ARID2: variants seen among roughly 807,000 people sequenced by gnomAD.
ARID2 encodes AT-rich interaction domain 2.
Under a neutral mutation model 184.6 loss-of-function variants are expected in ARID2, and 32 were observed. That is an observed-to-expected ratio of 0.17 (90% CI 0.13 to 0.23). ARID2 has a LOEUF of 0.23. Ranked by LOEUF, ARID2 falls within the 10% of genes least tolerant of loss-of-function variation. The pLI, the probability that ARID2 is intolerant of heterozygous loss-of-function variation, is 1.00. For missense variants in ARID2, 1,696 were observed against 2,197.6 expected, an observed-to-expected ratio of 0.77 and a Z score of 4.56; for synonymous variants, 836 against 772.6, an observed-to-expected ratio of 1.08 and a Z score of -1.36.
chr12:45,822,392 T>G (rs1302892125), intron 6 of ARID2, among the ~76,000 whole-genome samples: 1 of 152,042 alleles, frequency 6.6e-6, no homozygotes, highest in Non-Finnish European at 1.5e-5. Context: ...AAGAATTAGC[T>G]GGGCGTGGTT....
chr12:45,869,659 G>A (rs955773850), intron 16 of ARID2, among the ~76,000 whole-genome samples: 3 of 151,966 alleles, frequency 2.0e-5, no homozygotes, highest in Admixed American at 1.3e-4. Flanking sequence ...GAGGCAGATG[G>A]ATCACTTGAG....
chr12:45,731,983 T>C (rs545033022), intron 3 of ARID2, among the ~76,000 whole-genome samples: 2 of 151,978 alleles, frequency 1.3e-5, no homozygotes, highest in South Asian at 2.1e-4. Context: ...ATTCTCCCTC[T>C]TCTTCTTTGA....
In ARID2 at chr12:45,905,952, CTTT is replaced by C; in HGVS notation, c.*883_*885del. The C allele has an allele frequency of 6.7e-6, 1 of 149,354 alleles. No individual in the cohort carries two copies. Among genetic ancestry groups the C allele is most frequent in the Non-Finnish European group, 1.3e-5 (1 of 76,918 alleles). 9.3% of individuals were successfully genotyped at this position (149,354 alleles called of 1,614,324 possible). A position where few individuals can be genotyped will look rare whatever the true frequency, so the allele number is the denominator to read the frequency against. On this transcript the variant is annotated 3_prime_UTR_variant, in exon 21 of 21. Transcript: ENST00000334344. ...TTTTTTCTTTTTTCTTTTTTTTTTT[CTTT>C]TTTTTTTTGTATTATACACCTTGTA...
At chr12:45,796,059 CT>C (rs972231077) in intron 3 of ARID2, among the ~76,000 whole-genome samples, 1 of 151,954 alleles carries the variant, frequency 6.6e-6, no homozygotes, top group African/African-American at 2.4e-5. Flanking sequence ...ATTTAGATTT[CT>C]TTTTTTAAAC....
intron 15 of ARID2, among the ~76,000 whole-genome samples, chr12:45,853,832 G>C (rs903473894): frequency 5.3e-5 from 8 of 152,216 alleles, no homozygotes. Flanking sequence ...GCCAAATCTA[G>C]GTGTGGGCAA....
At chr12:45,839,857 G>A (rs943433390) in intron 11 of ARID2, 8 of 179,600 alleles carry the variant, frequency 4.5e-5, no homozygotes, top group Non-Finnish European at 8.3e-5. Context: ...ATTACCTTAT[G>A]ATTTTCTCAG....
At chr12:45,893,100 T>A (rs900479290) in intron 18 of ARID2, among the ~76,000 whole-genome samples, 1 of 152,236 alleles carries the variant, frequency 6.6e-6, no homozygotes, top group Non-Finnish European at 1.5e-5. Context: ...ATGAGAAGGC[T>A]ATAACTTCGA....
chr12:45,835,726 C>G (rs1391750118), intron 6 of ARID2, among the ~76,000 whole-genome samples: 3 of 151,934 alleles, frequency 2.0e-5, no homozygotes, highest in African/African-American at 7.3e-5. Flanking sequence ...ATGGTGAAAC[C>G]CCATCTCTAC....
chr12:45,852,891 C>A lies in ARID2; in HGVS notation c.4768C>A (p.Pro1590Thr), dbSNP rs1367200406. The change falls in exon 15 of 21, where the codon CCG becomes ACG. Residue 1590 changes from proline to threonine, a missense_variant. Pro to Thr is a conservative substitution (Grantham distance 38). This residue lies in a region of ARID2 where 111 missense variants were observed against 154.0 expected (regional missense o/e 0.72). Transcript: ENST00000334344. ...ACCAACATATGTACAGAATGTGGTC[C>A]CGCAGGTAAGTTATTCCATGATCAC... ...HPPTYVQNVV[P>T]QNTPMPPSPA... 1.3e-6 allele frequency: 2 copies of A among 1,568,258 alleles called. No homozygotes were observed. Among genetic ancestry groups the A allele is most frequent in the African/African-American group, 2.7e-5 (2 of 73,504 alleles).
intron 3 of ARID2, among the ~76,000 whole-genome samples, chr12:45,735,332 A>T (rs962036797): frequency 1.3e-5 from 2 of 152,306 alleles, no homozygotes; most frequent in African/African-American, 2.4e-5. Context: ...TCAAGGAAGG[A>T]AAATAAAAGT....
At chr12:45,735,420 T>C (rs1330580193) in intron 3 of ARID2, among the ~76,000 whole-genome samples, 1 of 73,898 alleles carries the variant, frequency 1.4e-5, no homozygotes, top group Non-Finnish European at 2.9e-5. Flanking sequence ...AACTGTATCG[T>C]GTGTGTGTGT....
chr12:45,731,980 C>T (rs1941012751), intron 3 of ARID2, among the ~76,000 whole-genome samples: 1 of 151,442 alleles, frequency 6.6e-6, no homozygotes, highest in Non-Finnish European at 1.5e-5. Flanking sequence ...TTCATTCTCC[C>T]TCTTCTTCTT....
intron 3 of ARID2, among the ~76,000 whole-genome samples, chr12:45,784,475 G>A (rs1462998879): frequency 6.6e-6 from 1 of 152,024 alleles, no homozygotes; most frequent in African/African-American, 2.4e-5. Flanking sequence ...ATGAAGCTGG[G>A]GGCGGTGGCC....
chr12:45,901,318 C>T (rs187142763), intron 20 of ARID2, among the ~76,000 whole-genome samples: 4 of 151,134 alleles, frequency 2.6e-5, no homozygotes, highest in Non-Finnish European at 5.9e-5. Flanking sequence ...CTACAGGCGC[C>T]CACCACCATG....
At chr12:45,781,307 C>T (rs1942084262) in intron 3 of ARID2, among the ~76,000 whole-genome samples, 2 of 112,298 alleles carry the variant, frequency 1.8e-5, no homozygotes, top group Admixed American at 9.7e-5. Context: ...GAGGAGTCTG[C>T]TTTCAAACTC....
intron 3 of ARID2, chr12:45,789,777 A>G (rs1452797026): frequency 6.6e-6 from 1 of 152,168 alleles, no homozygotes; most frequent in Non-Finnish European, 1.5e-5. Context: ...TGAACCTTTT[A>G]TCATTATAAT....
At chr12:45,812,441 T>TA (rs1241909121) in intron 4 of ARID2, among the ~76,000 whole-genome samples, 1 of 152,134 alleles carries the variant, frequency 6.6e-6, no homozygotes, top group Non-Finnish European at 1.5e-5. Flanking sequence ...ATTTCTTCCC[T>TA]AATCAGTAAT....
intron 3 of ARID2, among the ~76,000 whole-genome samples, chr12:45,732,203 G>T (rs1369447398): frequency 6.6e-6 from 1 of 151,996 alleles, no homozygotes; most frequent in African/African-American, 2.4e-5. Context: ...AAACTAAAAT[G>T]ATATTCTTTG....
intron 3 of ARID2, among the ~76,000 whole-genome samples, chr12:45,739,800 G>C (rs887775861): frequency 6.6e-6 from 1 of 152,146 alleles, no homozygotes; most frequent in Admixed American, 6.5e-5. Flanking sequence ...ACATACATGA[G>C]ATCAGTGGGA....
Sources: gnomAD v4.1 joint callset for allele counts (sites outside exome capture counted in the v4.1 genomes callset) on GRCh38, gnomAD v4.1.1 for gene constraint, gnomAD v4.1.1 regional missense constraint, MANE v1.5 for transcripts, NCBI Gene and HGNC (gene_info 2026-07-23, HGNC 2026-07-21) for gene names.